TMEM91: variants seen among roughly 807,000 people sequenced by gnomAD.
TMEM91 encodes the protein dispanin subfamily C member 3.
TMEM91 carries 6 observed loss-of-function variants against 13.3 expected under a neutral mutation model. That is an observed-to-expected ratio of 0.45 (90% CI 0.25 to 0.89). TMEM91 has a LOEUF of 0.89. Among genes scored for constraint, TMEM91 ranks in the 40% least tolerant of loss-of-function variants. The pLI is 0.19. For missense variants in TMEM91, 193 were observed against 228.7 expected (o/e 0.84, Z 1.01); for synonymous variants, 87 against 101.7 (o/e 0.86, Z 0.87).
chr19:41,374,640 T>C (rs928396255), upstream of TMEM91, among the ~76,000 whole-genome samples: 16 of 152,190 alleles, frequency 1.1e-4, no homozygotes, highest in South Asian at 4.1e-4. Context: ...AAATAGGGGT[T>C]CAGAGAGGTG....
intron 1 of TMEM91, among the ~76,000 whole-genome samples, chr19:41,367,496 C>T (rs1193493431): frequency 1.3e-5 from 2 of 151,666 alleles, no homozygotes; most frequent in African/African-American, 2.4e-5. Flanking sequence ...CTGGGCATGG[C>T]GGCGGGCGCC....
upstream of TMEM91, chr19:41,374,332 G>T (rs1460872494): frequency 1.3e-5 from 2 of 152,250 alleles, no homozygotes. Context: ...CATGAAGGAG[G>T]TGGAAGCTTG....
At chr19:41,368,425 T>G (rs8103491) in intron 1 of TMEM91, among the ~76,000 whole-genome samples, 60,990 of 119,814 alleles carry the variant, frequency 0.51, 15,392 homozygotes, top group Non-Finnish European at 0.57. Flanking sequence ...ACCTTTTTTT[T>G]GGGGGGGGTG....
upstream of TMEM91, among the ~76,000 whole-genome samples, chr19:41,372,795 T>C (rs2038644891): frequency 6.6e-6 from 1 of 152,128 alleles, no homozygotes; most frequent in Admixed American, 6.6e-5. Flanking sequence ...TAATTTTTTT[T>C]TGTTATAATA....
At chr19:41,382,478 C>T (rs2038910492) in intron 2 of TMEM91, among the ~76,000 whole-genome samples, 1 of 152,146 alleles carries the variant, frequency 6.6e-6, no homozygotes, top group African/African-American at 2.4e-5. Context: ...ACAAAATTAG[C>T]CAGGTGTGAT....
intron 1 of TMEM91, among the ~76,000 whole-genome samples, chr19:41,370,771 C>G (rs776494798): frequency 4.6e-5 from 7 of 151,870 alleles, no homozygotes; most frequent in Non-Finnish European, 7.4e-5. Flanking sequence ...AACGTGATCT[C>G]TGTTCACTGT....
intron 1 of TMEM91, among the ~76,000 whole-genome samples, chr19:41,368,993 G>A (rs550052762): frequency 1.3e-5 from 2 of 152,148 alleles, no homozygotes; most frequent in African/African-American, 4.8e-5. Context: ...GCATGCCCCT[G>A]TAGTCCCAGC....
intron 1 of TMEM91, among the ~76,000 whole-genome samples, chr19:41,370,808 T>G (rs1026685121): frequency 6.6e-6 from 1 of 152,116 alleles, no homozygotes; most frequent in African/African-American, 2.4e-5. Flanking sequence ...CTTCAAGGGA[T>G]TCTCCTGCCT....
At chr19:41,375,404 A>G (rs1334884943), upstream of TMEM91, among the ~76,000 whole-genome samples, 1 of 137,390 alleles carries the variant, frequency 7.3e-6, no homozygotes, top group East Asian at 2.3e-4. Context: ...TCAGCCTCCC[A>G]AGTAGCTGGG....
chr19:41,366,180 G>GTATT (rs1041253947), intron 1 of TMEM91, among the ~76,000 whole-genome samples: 57 of 149,792 alleles, frequency 3.8e-4, no homozygotes, highest in Admixed American at 2.1e-3. Context: ...TGGGGAAAAT[G>GTATT]TATTTATTTA....
upstream of TMEM91, chr19:41,363,958 C>G (rs548005473): frequency 6.6e-6 from 2 of 304,232 alleles, no homozygotes; most frequent in African/African-American, 4.4e-5. Flanking sequence ...TCATTCCTAC[C>G]TTAGCGCACT....
intron 1 of TMEM91, among the ~76,000 whole-genome samples, chr19:41,367,632 AAAAAC>A (rs747421430): frequency 1.3e-5 from 2 of 152,318 alleles, no homozygotes; most frequent in South Asian, 2.1e-4. Context: ...ACAAAGTCTC[AAAAAC>A]AAAACAAAAC....
At chr19:41,379,130 A>G (rs1311851062) in intron 2 of TMEM91, among the ~76,000 whole-genome samples, 5 of 140,856 alleles carry the variant, frequency 3.5e-5, no homozygotes, top group East Asian at 2.1e-4. Flanking sequence ...CACCATGCCC[A>G]GCCTTCCTTT....
rs59635287 is a variant in TMEM91 at position 41,366,380 on chromosome 19, C to T, written c.-30+2285C>T. 1.2e-4 allele frequency among the ~76,000 whole-genome samples: 19 copies of T among 152,172 alleles called. No homozygotes were observed. In the East Asian group the frequency reaches 3.5e-3, roughly 28 times the overall value. On this transcript the variant is annotated intron_variant, in intron 1 of 3. Transcript: ENST00000413014. ...TAAATCCCACTTCTCACCTCTTTGT[C>T]GCCCTGCACCTTGATCTGTCCAAGT...
chr19:41,382,416 G>A (rs1363746159), intron 2 of TMEM91, among the ~76,000 whole-genome samples: 2 of 151,992 alleles, frequency 1.3e-5, no homozygotes, highest in Non-Finnish European at 2.9e-5. Flanking sequence ...CTGAGGTCAG[G>A]AGTTCAAGAC....
intron 2 of TMEM91, among the ~76,000 whole-genome samples, chr19:41,381,683 AT>A (rs928085347): frequency 2.0e-5 from 3 of 150,626 alleles, no homozygotes; most frequent in African/African-American, 4.9e-5. Flanking sequence ...CTAATTTTAA[AT>A]TTTTTTTTGT....
intron 1 of TMEM91, among the ~76,000 whole-genome samples, chr19:41,377,864 A>C (rs1568491932): frequency 6.6e-6 from 1 of 151,530 alleles, no homozygotes; most frequent in Non-Finnish European, 1.5e-5. Flanking sequence ...TACAAAAAAA[A>C]AAATTAGCCG....
At chr19:41,375,166 T>A (rs2038688485), upstream of TMEM91, among the ~76,000 whole-genome samples, 1 of 151,854 alleles carries the variant, frequency 6.6e-6, no homozygotes. Flanking sequence ...CCCATTGGCT[T>A]AGCAAGGGCC....
intron 1 of TMEM91, among the ~76,000 whole-genome samples, chr19:41,371,353 C>CCTTT (rs2038616130): frequency 6.7e-6 from 1 of 149,196 alleles, no homozygotes; most frequent in Non-Finnish European, 1.5e-5. Context: ...TTCCTTCCTT[C>CCTTT]CTTCCTTCCT....
Sources: gnomAD v4.1 joint callset for allele counts (sites outside exome capture counted in the v4.1 genomes callset) on GRCh38, gnomAD v4.1.1 for gene constraint, MANE v1.5 for transcripts, NCBI Gene and HGNC (gene_info 2026-07-23, HGNC 2026-07-21) for gene names.